CADM2: variants seen among roughly 807,000 people sequenced by gnomAD.
The protein encoded by CADM2 is cell adhesion molecule 2, also known as immunoglobulin superfamily member 4D.
In CADM2, 12 loss-of-function variants were observed where a neutral mutation model predicts 49.8. That is an observed-to-expected ratio of 0.24 (90% CI 0.15 to 0.39). CADM2 has a LOEUF of 0.39. CADM2 is among the 10% of genes least tolerant of loss of function. CADM2 has a pLI of 1.00. For missense variants in CADM2, 378 were observed against 492.3 expected, an observed-to-expected ratio of 0.77 and a Z score of 2.20; for synonymous variants, 214 against 175.4, an observed-to-expected ratio of 1.22 and a Z score of -1.74.
At chr3:85,875,882 G>A (rs895424295) in intron 3 of CADM2, among the ~76,000 whole-genome samples, 25 of 152,144 alleles carry the variant, frequency 1.6e-4, no homozygotes, top group Non-Finnish European at 3.1e-4. Flanking sequence ...ATTCAATACT[G>A]GATCAAAGGC....
intron 1 of CADM2, among the ~76,000 whole-genome samples, chr3:85,378,877 T>C (rs1049242171): frequency 1.3e-5 from 2 of 151,740 alleles, no homozygotes; most frequent in African/African-American, 4.8e-5. Flanking sequence ...ATTATTGCAA[T>C]AAAGTAAAAT....
chr3:85,040,038 G>A (rs964371348), intron 1 of CADM2, among the ~76,000 whole-genome samples: 1 of 152,152 alleles, frequency 6.6e-6, no homozygotes, highest in Non-Finnish European at 1.5e-5. Flanking sequence ...AAAATTCCAT[G>A]AGTTTTCACA....
chr3:85,701,912 T>TAGATAGATAG (rs1559601731), intron 1 of CADM2, among the ~76,000 whole-genome samples: 2 of 136,620 alleles, frequency 1.5e-5, no homozygotes, highest in African/African-American at 5.7e-5. Flanking sequence ...TAGATAGATA[T>TAGATAGATAG]AAAGAAAAAG....
chr3:85,387,057 G>C (rs1387147037), intron 1 of CADM2, among the ~76,000 whole-genome samples: 1 of 152,104 alleles, frequency 6.6e-6, no homozygotes, highest in Non-Finnish European at 1.5e-5. Flanking sequence ...CTCTGAGTAA[G>C]GAATACTCTG....
chr3:85,755,171 T>C (rs7653685), intron 2 of CADM2, among the ~76,000 whole-genome samples: 15,834 of 152,216 alleles, frequency 0.1, 925 homozygotes, highest in South Asian at 0.12. Flanking sequence ...GCCAAAGTTA[T>C]GGTATCCTCA....
chr3:85,127,177 G>T (rs1174315834), intron 1 of CADM2, among the ~76,000 whole-genome samples: 1 of 152,026 alleles, frequency 6.6e-6, no homozygotes, highest in African/African-American at 2.4e-5. Flanking sequence ...GATTAAAAAA[G>T]AGAAAACCAG....
intron 1 of CADM2, among the ~76,000 whole-genome samples, chr3:85,414,978 A>C (rs2107480468): frequency 6.6e-6 from 1 of 152,326 alleles, no homozygotes; most frequent in East Asian, 1.9e-4. Context: ...TTAAAAAAGT[A>C]AATCACGCAA....
At chr3:85,808,039 A>G (rs1177750237) in intron 3 of CADM2, among the ~76,000 whole-genome samples, 2 of 152,182 alleles carry the variant, frequency 1.3e-5, no homozygotes, top group Non-Finnish European at 2.9e-5. Flanking sequence ...TGGTGGTTGG[A>G]CCAGAATTGT....
chr3:85,979,691 T>A (rs1727239624), intron 8 of CADM2, among the ~76,000 whole-genome samples: 1 of 151,670 alleles, frequency 6.6e-6, no homozygotes, highest in South Asian at 2.1e-4. Context: ...TCTGCAACTA[T>A]GTTAAAATAT....
chr3:85,099,236 G>A (rs890757989), intron 1 of CADM2, among the ~76,000 whole-genome samples: 1 of 152,172 alleles, frequency 6.6e-6, no homozygotes, highest in African/African-American at 2.4e-5. Context: ...AGAAGGGGAT[G>A]TTCCTGAAAC....
chr3:85,535,845 C>G (rs1156849387), intron 1 of CADM2, among the ~76,000 whole-genome samples: 1 of 152,066 alleles, frequency 6.6e-6, no homozygotes, highest in Non-Finnish European at 1.5e-5. Flanking sequence ...AAAAAGGAAG[C>G]CTTGAGCAGA....
intron 1 of CADM2, among the ~76,000 whole-genome samples, chr3:85,558,140 G>A (rs61577772): frequency 0.082 from 12,450 of 151,764 alleles, 984 homozygotes; most frequent in African/African-American, 0.19. Context: ...AGAGAAAGGC[G>A]TTATGTTCTC....
At chr3:85,196,726 A>T in intron 1 of CADM2, among the ~76,000 whole-genome samples, 1 of 151,964 alleles carries the variant, frequency 6.6e-6, no homozygotes, top group South Asian at 2.1e-4. Context: ...ATCTGGGAAA[A>T]GTCATTTAAA....
chr3:86,001,740 C>G (rs1411998450), intron 8 of CADM2, among the ~76,000 whole-genome samples: 1 of 151,896 alleles, frequency 6.6e-6, no homozygotes, highest in Admixed American at 6.6e-5. Flanking sequence ...CAGAAAGTGG[C>G]CAGATGAGTG....
chr3:85,300,029 A>C (rs929160196), intron 1 of CADM2, among the ~76,000 whole-genome samples: 2 of 152,102 alleles, frequency 1.3e-5, no homozygotes, highest in Non-Finnish European at 2.9e-5. Context: ...TATTATTTAC[A>C]ACTATCTTTT....
intron 1 of CADM2, among the ~76,000 whole-genome samples, chr3:85,496,980 A>C (rs12636904): frequency 0.31 from 46,749 of 152,040 alleles, 8,189 homozygotes; most frequent in East Asian, 0.55. Context: ...AGTAGCTGGG[A>C]TTACAGGCAT....
intron 1 of CADM2, among the ~76,000 whole-genome samples, chr3:85,336,977 T>A (rs1445145669): frequency 7.4e-4 from 12 of 16,276 alleles, no homozygotes; most frequent in African/African-American, 8.9e-4. Context: ...AAATATATAT[T>A]TAATATATAT....
intron 2 of CADM2, among the ~76,000 whole-genome samples, chr3:85,768,009 T>G (rs2069751552): frequency 6.6e-6 from 1 of 152,184 alleles, no homozygotes; most frequent in South Asian, 2.1e-4. Flanking sequence ...AACTGATTAT[T>G]GTTCAGACGA....
chr3:85,657,748 AT>A (rs2065253468), intron 1 of CADM2, among the ~76,000 whole-genome samples: 1 of 121,614 alleles, frequency 8.2e-6, no homozygotes, highest in South Asian at 2.8e-4. Context: ...ATACAGATAT[AT>A]ATATATACAC....
Sources: allele counts gnomAD v4.1 joint callset (sites outside exome capture counted in the v4.1 genomes callset), GRCh38; gene constraint gnomAD v4.1.1; transcripts MANE v1.5; gene names NCBI Gene and HGNC (gene_info 2026-07-23, HGNC 2026-07-21).